CTTN: variants seen among roughly 807,000 people sequenced by gnomAD.
The protein encoded by CTTN is cortactin, also known as src substrate cortactin.
CTTN carries 28 observed loss-of-function variants against 84.0 expected under a neutral mutation model. That is an observed-to-expected ratio of 0.33 (90% CI 0.25 to 0.46). The LOEUF (loss-of-function observed/expected upper bound fraction) is 0.46, where lower values mean the gene tolerates loss of function less well. CTTN is among the 20% of genes least tolerant of loss of function. The pLI is 1.00. For synonymous variants in CTTN, 301 were observed against 288.8 expected, an observed-to-expected ratio of 1.04 and a Z score of -0.43; for missense variants, 641 against 723.8, an observed-to-expected ratio of 0.89 and a Z score of 1.31.
At chr11:70,426,480 G>A (rs545390060) in intron 13 of CTTN, among the ~76,000 whole-genome samples, 45 of 151,952 alleles carry the variant, frequency 3.0e-4, no homozygotes, top group Non-Finnish European at 4.6e-4. Context: ...GTCTTGCTGT[G>A]TCATCCAGGC....
Position 70,436,327 on chromosome 11 carries a change from G to A in CTTN, c.*1165G>A, listed in dbSNP as rs375900415. ...GGAGCCGGGAGGCTGGACCAGTCCC[G>A]TCGTGCAGTCAGGTGGGCGGTGTGT... On this transcript the variant is annotated 3_prime_UTR_variant, in exon 18 of 18. Coordinates refer to ENST00000301843, the MANE Select transcript of CTTN (RefSeq NM_005231.4). The A allele has an allele frequency of 8.9e-5, 143 of 1,598,136 alleles. No homozygotes were observed. Among genetic ancestry groups the A allele is most frequent in the Non-Finnish European group, 1.0e-4 (121 of 1,179,784 alleles).
rs369759667 is a variant in CTTN, at chr11:70,414,344, C to CA, written c.292-186dup. Among the ~76,000 whole-genome samples the CA allele has an allele frequency of 1.2e-3, 161 of 135,286 alleles. 1 individual carries two copies. Among genetic ancestry groups the CA allele is most frequent in the South Asian group, 4.5e-3 (19 of 4,190 alleles). The allele number at this position is 135,286 out of a possible 152,430, so 88.8% of individuals were successfully genotyped here. A position where few individuals can be genotyped will look rare whatever the true frequency, so the allele number is the denominator to read the frequency against. On this transcript the variant is annotated intron_variant, in intron 5 of 17. Coordinates refer to ENST00000301843, the MANE Select transcript of CTTN (RefSeq NM_005231.4). ...TGGGCAACAGAGCAAGACTCTGTCTCAAAAAAAAAAAAGCCTGCACCAAGG... is the reference window on the plus strand; with the variant it reads ...TGGGCAACAGAGCAAGACTCTGTCTCAAAAAAAAAAAAAGCCTGCACCAAGG...
In CTTN at chr11:70,435,607, C is replaced by T. The variant is rs1478151212; in HGVS notation, c.*445C>T. On this transcript the variant is annotated 3_prime_UTR_variant, in exon 18 of 18. Transcript: ENST00000301843. The stretch of plus-strand genomic sequence containing the variant: ...AGGACTGTCCCAGACGAGGGGCTTC[C>T]TCTAGAGTCTCACTGCTGGGGAGGA... 6.3e-7 allele frequency: 1 copy of T among 1,585,796 alleles called. No homozygotes were observed. Among genetic ancestry groups the T allele is most frequent in the Non-Finnish European group, 8.5e-7 (1 of 1,173,548 alleles).
chr11:70,420,388 T>C lies in CTTN; in HGVS notation c.680-12T>C, dbSNP rs1363344283. ...GTTAATGATGGGTTCTGGCCTTTCA[T>C]TGTGCATGTAGACTATGTGAAAGGG... On this transcript the variant is annotated splice_polypyrimidine_tract_variant and intron_variant, in intron 9 of 17. Coordinates refer to ENST00000301843, the MANE Select transcript of CTTN (RefSeq NM_005231.4). 1.3e-6 allele frequency: 2 copies of C among 1,588,498 alleles called. No individual in the cohort carries two copies. The highest frequency in any genetic ancestry group is 1.1e-5 in the South Asian group (1 of 90,588).
At chr11:70,409,624 C>T (rs181310254) in intron 4 of CTTN, among the ~76,000 whole-genome samples, 2 of 152,344 alleles carry the variant, frequency 1.3e-5, no homozygotes, top group Admixed American at 6.5e-5. Context: ...ACAGAGCATG[C>T]GTCTGATACT....
chr11:70,417,610 T>C (rs4570606), intron 8 of CTTN, among the ~76,000 whole-genome samples: 29,742 of 152,092 alleles, frequency 0.2, 3,390 homozygotes, highest in Admixed American at 0.25. Context: ...ATTCTCGTGC[T>C]TCAGCCTCCC....
Position 70,403,763 on chromosome 11 carries a change from A to G in CTTN, c.-97-1502A>G, listed in dbSNP as rs191464715. Among the ~76,000 whole-genome samples, 5 of 152,204 alleles carry G rather than the reference A, an allele frequency of 3.3e-5. No individual in the cohort carries two copies. The East Asian group carries it at 9.7e-4, about 29-fold the overall frequency. Reference sequence around the variant, plus strand: ...ATCTTTGGATCCACAAAACAATCAAACTTATTTCCTATTGGTTATTTTTGT... The same window carrying G: ...ATCTTTGGATCCACAAAACAATCAAGCTTATTTCCTATTGGTTATTTTTGT... On this transcript the variant is annotated intron_variant, in intron 1 of 17. Transcript: ENST00000301843.
intron 1 of CTTN, among the ~76,000 whole-genome samples, chr11:70,399,304 G>T (rs1430244005): frequency 3.3e-5 from 5 of 149,938 alleles, no homozygotes; most frequent in Non-Finnish European, 4.5e-5. Context: ...CGAGGGGAAG[G>T]GGTCGGGGCT....
chr11:70,420,171 G>A (rs2058214051), intron 9 of CTTN: 1 of 598,772 alleles, frequency 1.7e-6, no homozygotes. Context: ...GAGCTTCCAT[G>A]GGGTCCTGTC....
At position 70,435,210 on chromosome 11, in the gene CTTN, G is replaced by A; in HGVS notation, c.*48G>A. The stretch of plus-strand genomic sequence containing the variant: ...CTGCGCCCTGGATCCTCACACTACA[G>A]ATCAGGCCTTCTTTGGTTCTTGGGT... On this transcript the variant is annotated 3_prime_UTR_variant, in exon 18 of 18. Coordinates refer to ENST00000301843, the MANE Select transcript of CTTN (RefSeq NM_005231.4). The A allele has an allele frequency of 1.4e-6, 2 of 1,480,868 alleles. No homozygotes were observed. The highest frequency in any genetic ancestry group is 2.5e-5 in the Admixed American group (1 of 39,994). The allele number at this position is 1,480,868 out of a possible 1,614,324, so 91.7% of individuals were successfully genotyped here.
chr11:70,433,481 C>T, intron 16 of CTTN, 166 bp from the exon 17 acceptor site: 1 of 768,626 alleles, frequency 1.3e-6, no homozygotes, highest in Admixed American at 2.2e-5. Flanking sequence ...CCAGGAAGAT[C>T]CCCATTGTGC....
At chr11:70,420,013 A>G (rs2058212128) in intron 9 of CTTN, 157 bp downstream of exon 9, 1 of 641,410 alleles carries the variant, frequency 1.6e-6, no homozygotes. Flanking sequence ...ATCCAGAAAC[A>G]CAGCTGCTAA....
Position 70,409,712 on chromosome 11 carries a change from A to G in CTTN, c.162-119A>G. 6 of 1,138,982 alleles carry G rather than the reference A, an allele frequency of 5.3e-6. No homozygotes were observed. In the South Asian group the frequency reaches 5.6e-5, roughly 11 times the overall value. The allele number at this position is 1,138,982 out of a possible 1,614,324, so 70.6% of individuals were successfully genotyped here. A position where few individuals can be genotyped will look rare whatever the true frequency, so the allele number is the denominator to read the frequency against. On this transcript the variant is annotated intron_variant, in intron 4 of 17. Transcript: ENST00000301843. ...TGCAGGGAGAGAATCGGTGAACATC[A>G]GATAAGCAGATTTACAAATTTACAA...
Position 70,431,237 on chromosome 11 carries a change from C to T in CTTN, c.1223C>T (p.Pro408Leu). ...KTQTPPVSPA[P>L]QPTEERLPSS... Reference sequence around the variant, plus strand: ...CAAACGCCCCCTGTGTCGCCCGCACCTCAGCCAACCGAGGAGAGGCTGCCC... The same window carrying T: ...CAAACGCCCCCTGTGTCGCCCGCACTTCAGCCAACCGAGGAGAGGCTGCCC... The change falls in exon 15 of 18, where the codon CCT (proline) becomes CTT (leucine). Residue 408 changes from proline (P) to leucine (L), a missense_variant. This residue lies in a region of CTTN where 289 missense variants were observed against 273.1 expected (regional missense o/e 1.06). Transcript: ENST00000301843. 1 of 1,614,200 alleles carries T rather than the reference C, an allele frequency of 6.2e-7. No homozygotes were observed. Among genetic ancestry groups the T allele is most frequent in the Non-Finnish European group, 8.5e-7 (1 of 1,180,040 alleles).
intron 14 of CTTN, among the ~76,000 whole-genome samples, chr11:70,429,906 T>A (rs1199915878): frequency 6.6e-6 from 1 of 152,108 alleles, no homozygotes. Context: ...CTGGGGCATC[T>A]GCAGTGTGGG....
chr11:70,431,267 G>T lies in CTTN; in HGVS notation c.1253G>T (p.Ser418Ile), dbSNP rs765197561. The T allele has an allele frequency of 1.2e-6, 2 of 1,614,116 alleles. No individual in the cohort carries two copies. The highest frequency in any genetic ancestry group is 1.6e-4 in the Middle Eastern group (1 of 6,062). Residue 418 changes from serine to isoleucine, a missense_variant, in exon 15 of 18, where the codon AGC becomes ATC. Transcript: ENST00000301843. ...CCAACCGAGGAGAGGCTGCCCTCGA[G>T]CCCCGTCTATGAGGTTGGTGTCTTT... ...PQPTEERLPS[S>I]PVYEDAASFK...
Position 70,403,771 on chromosome 11 carries a change from C to T in CTTN, c.-97-1494C>T, listed in dbSNP as rs59386497. ...ATCCACAAAACAATCAAACTTATTT[C>T]CTATTGGTTATTTTTGTGATTGTTT... On this transcript the variant is annotated intron_variant, in intron 1 of 17. Coordinates refer to ENST00000301843, the MANE Select transcript of CTTN (RefSeq NM_005231.4). Among the ~76,000 whole-genome samples the T allele has an allele frequency of 9.9e-3, 1,510 of 152,178 alleles. 29 individuals carry two copies. The highest frequency in any genetic ancestry group is 0.035 in the African/African-American group (1,441 of 41,524).
chr11:70,433,523 A>G, intron 16 of CTTN, 124 bp from the exon 17 acceptor site: 2 of 866,758 alleles, frequency 2.3e-6, no homozygotes, highest in Non-Finnish European at 3.9e-6. Context: ...AGAGGAAGGG[A>G]GGGTTTCAGC....
In CTTN at chr11:70,422,928, G is replaced by A. The variant is rs1489213928; in HGVS notation, c.902-12G>A. On this transcript the variant is annotated splice_polypyrimidine_tract_variant and intron_variant, in intron 11 of 17. Coordinates refer to ENST00000301843, the MANE Select transcript of CTTN (RefSeq NM_005231.4). ...CACCTCAGAGTAAGTGTTGTGTTTT[G>A]CCACGTTTCAGACTACTCCAAAGGA... 1 of 1,614,022 alleles carries A rather than the reference G, an allele frequency of 6.2e-7. No individual in the cohort carries two copies. The highest frequency in any genetic ancestry group is 1.7e-5 in the Admixed American group (1 of 59,996).
Sources: allele counts gnomAD v4.1 joint callset (sites outside exome capture counted in the v4.1 genomes callset), GRCh38; gene constraint gnomAD v4.1.1; regional missense constraint gnomAD v4.1.1; transcripts MANE v1.5; gene names NCBI Gene and HGNC (gene_info 2026-07-23, HGNC 2026-07-21).